Variants in AHRR observed in about 807,000 individuals in gnomAD.
The protein encoded by AHRR is ahR repressor.
In AHRR, 28 loss-of-function variants were observed where a neutral mutation model predicts 44.0. That is an observed-to-expected ratio of 0.64 (90% CI 0.47 to 0.87). AHRR has a LOEUF of 0.87. AHRR is among the 40% of genes least tolerant of loss of function. AHRR has a pLI of 0.00. For synonymous variants in AHRR, 434 were observed against 407.0 expected (o/e 1.07, Z -0.80); for missense variants, 990 against 953.9 (o/e 1.04, Z -0.50).
At chr5:413,583 C>G (rs1735564227) in intron 5 of AHRR, 150 bp downstream of exon 5, 1 of 645,902 alleles carries the variant, frequency 1.5e-6, no homozygotes, top group African/African-American at 1.9e-5. Flanking sequence ...CACACCCCAG[C>G]TTTGTCTAGG....
At chr5:413,313 A>T in intron 4 of AHRR, 31 bp from the exon 5 acceptor site, 1 of 1,326,912 alleles carries the variant, frequency 7.5e-7, no homozygotes, top group Non-Finnish European at 1.0e-6. Flanking sequence ...AGCCAATTCG[A>T]TTTTTTTTTT....
chr5:396,411 C>T (rs757287696), intron 4 of AHRR, among the ~76,000 whole-genome samples: 2 of 152,122 alleles, frequency 1.3e-5, no homozygotes, highest in African/African-American at 2.4e-5. Flanking sequence ...CTGAGGCGGG[C>T]GGCCCCAGCC....
chr5:416,419 C>G (rs1735815285), intron 5 of AHRR, among the ~76,000 whole-genome samples: 2 of 152,250 alleles, frequency 1.3e-5, no homozygotes, highest in South Asian at 4.1e-4. Context: ...CACGGCGTCT[C>G]CTACCACAGA....
chr5:359,419 C>A (rs1390124990), intron 3 of AHRR, among the ~76,000 whole-genome samples: 2 of 152,008 alleles, frequency 1.3e-5, no homozygotes, highest in East Asian at 3.9e-4. Flanking sequence ...ACGGAGTCCA[C>A]CCAGGCCTGG....
rs1452374170 is a variant in AHRR at position 435,212 on chromosome 5, C to T, written c.*378C>T. The stretch of plus-strand genomic sequence containing the variant: ...AGCAGTCGGGTGATGCTCCCAAGTC[C>T]GCAGTCGGGGATGAAGCGGTCGGGT... On this transcript the variant is annotated 3_prime_UTR_variant, in exon 11 of 11. Coordinates refer to ENST00000684583, the MANE Select transcript of AHRR (RefSeq NM_001377236.1). The T allele has an allele frequency of 9.3e-6, 2 of 215,526 alleles. No individual in the cohort carries two copies. Among genetic ancestry groups the T allele is most frequent in the East Asian group, 1.1e-4 (1 of 9,248 alleles). The allele number at this position is 215,526 out of a possible 1,614,324, so 13.4% of individuals were successfully genotyped here.
Position 372,683 on chromosome 5 carries a change from C to T in AHRR, c.245-3927C>T, listed in dbSNP as rs140918292. Among the ~76,000 whole-genome samples the T allele has an allele frequency of 2.0e-5, 3 of 152,306 alleles. No individual in the cohort carries two copies. In the East Asian group the frequency reaches 5.8e-4, roughly 29 times the overall value. Reference sequence around the variant, plus strand: ...ACCTCCCACCCTCCGTCTGCACCGCCTCCCCCGCCCCTACCAGGGAATTGG... The same window carrying T: ...ACCTCCCACCCTCCGTCTGCACCGCTTCCCCCGCCCCTACCAGGGAATTGG... On this transcript the variant is annotated intron_variant, in intron 3 of 10. Transcript: ENST00000684583.
rs2126553796 is a variant in AHRR at position 434,420 on chromosome 5, G to A, written c.1680G>A (p.Arg560=). The A allele has an allele frequency of 6.2e-7, 1 of 1,613,280 alleles. No homozygotes were observed. The highest frequency in any genetic ancestry group is 8.5e-7 in the Non-Finnish European group (1 of 1,179,968). ...AGGTGTGGCTGGGGGCCAGTGACAG[G>A]AGCCACCCAGCCACCTTCCCTACCA... ...PSQVWLGASD[R]SHPATFPTRM... The change falls in exon 11 of 11, where the codon AGG becomes AGA. Residue 560 remains arginine, a synonymous_variant. Transcript: ENST00000684583.
At chr5:374,567 T>C (rs376503214) in intron 3 of AHRR, among the ~76,000 whole-genome samples, 1 of 152,210 alleles carries the variant, frequency 6.6e-6, no homozygotes, top group South Asian at 2.1e-4. Flanking sequence ...AATGGGGCAG[T>C]TTTTGTTACA....
rs1398915484 is a variant in AHRR at position 332,470 on chromosome 5, G to A, written c.-11+10651G>A. Among the ~76,000 whole-genome samples the A allele has an allele frequency of 3.9e-5, 6 of 152,108 alleles. No homozygotes were observed. The East Asian group carries it at 1.2e-3, about 29-fold the overall frequency. Reference sequence around the variant, plus strand: ...TTTAGTAGAGATGGTGTTTCACCATGTTGGCCAGGCTGGTCTCGAACTCCT... The same window carrying A: ...TTTAGTAGAGATGGTGTTTCACCATATTGGCCAGGCTGGTCTCGAACTCCT... On this transcript the variant is annotated intron_variant, in intron 1 of 10. Coordinates refer to ENST00000684583, the MANE Select transcript of AHRR (RefSeq NM_001377236.1).
chr5:326,530 G>A lies in AHRR; in HGVS notation c.-11+4711G>A, dbSNP rs926479326. 4.6e-5 allele frequency among the ~76,000 whole-genome samples: 7 copies of A among 152,164 alleles called. No homozygotes were observed. Among genetic ancestry groups the A allele is most frequent in the African/African-American group, 1.7e-4 (7 of 41,428 alleles). On this transcript the variant is annotated intron_variant, in intron 1 of 10. Coordinates refer to ENST00000684583, the MANE Select transcript of AHRR (RefSeq NM_001377236.1). The surrounding 1 kb of genome is among the most constrained non-coding windows in gnomAD (Gnocchi z 4.1). ...GTTGTTTACATTTTTTGGCTACTGT[G>A]AATTATGATGGGCATTTGTATGCAG...
intron 2 of AHRR, among the ~76,000 whole-genome samples, chr5:344,876 A>G (rs1467831729): frequency 1.1e-5 from 1 of 93,658 alleles, no homozygotes; most frequent in African/African-American, 5.3e-5. Context: ...GCAGGTGTGC[A>G]GGTGTGCGAA....
In AHRR at chr5:381,095, A is replaced by G. The variant is rs939560516; in HGVS notation, c.351+4379A>G. Among the ~76,000 whole-genome samples the G allele has an allele frequency of 2.0e-5, 3 of 152,262 alleles. No individual in the cohort carries two copies. The East Asian group carries it at 5.8e-4, about 29-fold the overall frequency. ...CCTGGAAGGGAGAGAAAGAGAGAAC[A>G]GAAAGCAAATTCTCCTCTTCTTGTG... On this transcript the variant is annotated intron_variant, in intron 4 of 10. Transcript: ENST00000684583.
chr5:351,552 T>G lies in AHRR; in HGVS notation c.63-2178T>G, dbSNP rs191730415. The stretch of plus-strand genomic sequence containing the variant: ...CTACCACATGCCTTTAGTAGGAGGG[T>G]CCATGCTGAGAGCTGACTGAGGGCT... On this transcript the variant is annotated intron_variant, in intron 2 of 10. Coordinates refer to ENST00000684583, the MANE Select transcript of AHRR (RefSeq NM_001377236.1). Among the ~76,000 whole-genome samples, 861 of 152,070 alleles carry G rather than the reference T, an allele frequency of 5.7e-3. 7 individuals are homozygous for G. The highest frequency in any genetic ancestry group is 6.0e-3 in the Non-Finnish European group (408 of 67,980).
chr5:420,679 G>T (rs1376720371), intron 5 of AHRR, among the ~76,000 whole-genome samples: 2 of 152,360 alleles, frequency 1.3e-5, no homozygotes, highest in South Asian at 2.1e-4. Context: ...GTGTCCACCA[G>T]GAGGGCGGGA....
chr5:417,323 G>A (rs1012261222), intron 5 of AHRR, among the ~76,000 whole-genome samples: 4 of 151,070 alleles, frequency 2.6e-5, no homozygotes, highest in African/African-American at 7.3e-5. Context: ...AGAGAAGGCC[G>A]CTTGGTCTGT....
chr5:371,844 G>A (rs1743591363), intron 3 of AHRR, among the ~76,000 whole-genome samples: 1 of 152,288 alleles, frequency 6.6e-6, no homozygotes, highest in East Asian at 1.9e-4. Context: ...TCTCCCTTAC[G>A]CCCCTGTCTG....
intron 4 of AHRR, among the ~76,000 whole-genome samples, chr5:390,520 C>T (rs1459374788): frequency 6.6e-6 from 1 of 152,108 alleles, no homozygotes; most frequent in African/African-American, 2.4e-5. Context: ...CCCGGAGAAG[C>T]ATTTGACGTT....
rs113528582 is a variant in AHRR, at chr5:361,318, G to A, written c.244+7407G>A. Among the ~76,000 whole-genome samples, 783 of 152,348 alleles carry A rather than the reference G, an allele frequency of 5.1e-3. 4 individuals are homozygous for A. The highest frequency in any genetic ancestry group is 8.3e-3 in the Non-Finnish European group (567 of 68,040). ...GATAGGGAGACTGGGTGTGAGCCAG[G>A]AGCCCAGCCGGGAAGCCTCCTCAGC... On this transcript the variant is annotated intron_variant, in intron 3 of 10. Coordinates refer to ENST00000684583, the MANE Select transcript of AHRR (RefSeq NM_001377236.1).
Position 411,344 on chromosome 5 carries a change from A to G in AHRR, c.352-2000A>G, listed in dbSNP as rs1029482986. Among the ~76,000 whole-genome samples the G allele has an allele frequency of 1.3e-5, 2 of 151,694 alleles. No homozygotes were observed. The highest frequency in any genetic ancestry group is 4.9e-5 in the African/African-American group (2 of 41,232). On this transcript the variant is annotated intron_variant, in intron 4 of 10. Coordinates refer to ENST00000684583, the MANE Select transcript of AHRR (RefSeq NM_001377236.1). This position sits in a 1 kb window ranked among gnomAD's most constrained non-coding sequence, Gnocchi z 4.2. ...CTTCCTGTGTCCTCATTATGATGCAATTTTGGGTCTGTGTAGCTGCACCTG... is the reference window on the plus strand; with the variant it reads ...CTTCCTGTGTCCTCATTATGATGCAGTTTTGGGTCTGTGTAGCTGCACCTG...
Sources: gnomAD v4.1 joint callset for allele counts (sites outside exome capture counted in the v4.1 genomes callset) on GRCh38, gnomAD v4.1.1 for gene constraint, Gnocchi (gnomAD v3.1) non-coding constraint, MANE v1.5 for transcripts, NCBI Gene and HGNC (gene_info 2026-07-23, HGNC 2026-07-21) for gene names.